PGM5: variants seen among roughly 807,000 people sequenced by gnomAD.
PGM5 encodes phosphoglucomutase 5.
A neutral mutation model predicts 59.2 loss-of-function variants in PGM5; 23 were observed. The ratio of observed to expected loss-of-function variants is 0.39; its 90% CI spans 0.28 to 0.55. The LOEUF (loss-of-function observed/expected upper bound fraction) is 0.55. Among genes scored for constraint, PGM5 ranks in the 20% least tolerant of loss-of-function variants. PGM5 has a pLI of 0.66. For synonymous variants in PGM5, 214 were observed against 286.0 expected (o/e 0.75, Z 2.54); for missense variants, 574 against 748.3 (o/e 0.77, Z 2.72).
chr9:68,498,598 C>T (rs1202055660), intron 9 of PGM5: 1 of 152,364 alleles, frequency 6.6e-6, no homozygotes, highest in Non-Finnish European at 1.5e-5. Flanking sequence ...CCTAGGTGTG[C>T]ATCCTTAACT....
At chr9:68,434,333 A>G (rs1175934615) in intron 6 of PGM5, among the ~76,000 whole-genome samples, 27 of 135,778 alleles carry the variant, frequency 2.0e-4, no homozygotes, top group Non-Finnish European at 3.2e-4. Flanking sequence ...AAAAAAAAAA[A>G]AAAAAAGAAA....
chr9:68,417,975 GCTCTCTCTGATAC>G (rs1823063235), intron 6 of PGM5, among the ~76,000 whole-genome samples: 1 of 152,182 alleles, frequency 6.6e-6, no homozygotes, highest in South Asian at 2.1e-4. Flanking sequence ...AATTGCCAAA[GCTCTCTCTGATAC>G]CACCAGGGAG....
intron 7 of PGM5, among the ~76,000 whole-genome samples, chr9:68,476,633 C>G (rs1182564191): frequency 6.6e-6 from 1 of 152,224 alleles, no homozygotes; most frequent in Admixed American, 6.5e-5. Context: ...ATTGAAGCAT[C>G]ATTAATGTCT....
intron 4 of PGM5, among the ~76,000 whole-genome samples, chr9:68,389,290 T>C (rs574594553): frequency 6.6e-6 from 1 of 152,220 alleles, no homozygotes; most frequent in Admixed American, 6.6e-5. Context: ...CTGGTAGGTA[T>C]ACAGTTTGAT....
Position 68,378,324 on chromosome 9 carries a change from G to A in PGM5, c.387G>A (p.Gly129=), listed in dbSNP as rs376116618. 57 of 1,590,842 alleles carry A rather than the reference G, an allele frequency of 3.6e-5. No individual in the cohort carries two copies. In the African/African-American group the frequency reaches 6.4e-4, roughly 18 times the overall value. Residue 129 remains glycine (G), a synonymous_variant, in exon 2 of 11, where the codon GGG becomes GGA. Transcript: ENST00000396396. ...CCAGCCACTGCCCTGGAGGACCAGG[G>A]GGAGAGTTTGGAGTGAAGTTTAATG... is the stretch of plus-strand genomic sequence containing the variant. ...LTASHCPGGP[G]GEFGVKFNVA...
intron 10 of PGM5, among the ~76,000 whole-genome samples, chr9:68,517,886 A>G (rs1564027641): frequency 6.6e-6 from 1 of 152,228 alleles, no homozygotes; most frequent in Non-Finnish European, 1.5e-5. Context: ...AGAACAGGAA[A>G]AGGGTTGGCA....
intron 6 of PGM5, among the ~76,000 whole-genome samples, chr9:68,454,636 A>G (rs986031078): frequency 2.6e-5 from 4 of 152,110 alleles, no homozygotes; most frequent in Non-Finnish European, 5.9e-5. Flanking sequence ...TTATCATTCC[A>G]TTTTGTAGGT....
chr9:68,436,527 A>G (rs1823444507), intron 6 of PGM5, among the ~76,000 whole-genome samples: 1 of 152,206 alleles, frequency 6.6e-6, no homozygotes, highest in Admixed American at 6.5e-5. Context: ...GACAAACTGT[A>G]TACACTCCTT....
intron 7 of PGM5, among the ~76,000 whole-genome samples, chr9:68,475,402 A>G (rs1018840818): frequency 6.6e-6 from 1 of 152,012 alleles, no homozygotes; most frequent in Non-Finnish European, 1.5e-5. Flanking sequence ...ATTTAAAAGG[A>G]AAGAGAGGAA....
intron 6 of PGM5, among the ~76,000 whole-genome samples, chr9:68,451,646 G>A (rs975637514): frequency 2.6e-5 from 4 of 152,158 alleles, no homozygotes; most frequent in African/African-American, 9.7e-5. Flanking sequence ...ATTCAAAGTT[G>A]GGTCTTTAAC....
At position 68,483,515 on chromosome 9, in the gene PGM5, G is replaced by A. The variant is rs901481699; in HGVS notation, c.1296-350G>A. ...AGAGACCAGTGTGGCTGGAGCCAGT[G>A]AACAATGATAAAAAGACAGAACAAA... is the stretch of plus-strand genomic sequence containing the variant. On this transcript the variant is annotated intron_variant, in intron 8 of 10. Coordinates refer to ENST00000396396, the MANE Select transcript of PGM5 (RefSeq NM_021965.4). Among the ~76,000 whole-genome samples the A allele has an allele frequency of 3.3e-5, 5 of 152,140 alleles. No individual in the cohort carries two copies. The East Asian group carries it at 9.6e-4, about 29-fold the overall frequency.
intron 7 of PGM5, among the ~76,000 whole-genome samples, chr9:68,471,702 T>G (rs1276759202): frequency 6.6e-6 from 1 of 151,772 alleles, no homozygotes; most frequent in Non-Finnish European, 1.5e-5. Flanking sequence ...GGTGAACTCC[T>G]GAGGTCAGGA....
chr9:68,465,978 G>A (rs1823927998), intron 7 of PGM5, among the ~76,000 whole-genome samples: 1 of 152,018 alleles, frequency 6.6e-6, no homozygotes, highest in African/African-American at 2.4e-5. Context: ...GTTGTTTGTT[G>A]TTGTTCATTA....
At chr9:68,393,080 T>C (rs1554679659) in intron 6 of PGM5, among the ~76,000 whole-genome samples, 1 of 151,998 alleles carries the variant, frequency 6.6e-6, no homozygotes, top group African/African-American at 2.4e-5. Flanking sequence ...TCATTCTTCT[T>C]GCTCTATCCA....
At position 68,442,348 on chromosome 9, in the gene PGM5, C is replaced by T. The variant is rs1371413356; in HGVS notation, c.1044-22745C>T. On this transcript the variant is annotated intron_variant, in intron 6 of 10. Transcript: ENST00000396396. Reference sequence around the variant, plus strand: ...TGCTGGGGCTGGAGTGCAATGGCACCGTGTTGGATCACTGCAACCTCCACC... The same window carrying T: ...TGCTGGGGCTGGAGTGCAATGGCACTGTGTTGGATCACTGCAACCTCCACC... Among the ~76,000 whole-genome samples the T allele has an allele frequency of 2.0e-5, 3 of 152,016 alleles. No individual in the cohort carries two copies. The East Asian group carries it at 5.8e-4, about 29-fold the overall frequency.
chr9:68,466,950 C>A (rs1407225733), intron 7 of PGM5, among the ~76,000 whole-genome samples: 1 of 152,138 alleles, frequency 6.6e-6, no homozygotes, highest in Admixed American at 6.5e-5. Flanking sequence ...AGAGTTTTTA[C>A]TTTTGCCCGT....
intron 6 of PGM5, among the ~76,000 whole-genome samples, chr9:68,407,412 C>T (rs1447837726): frequency 1.3e-5 from 2 of 152,142 alleles, no homozygotes; most frequent in Admixed American, 1.3e-4. Flanking sequence ...GGATTATAGG[C>T]GTGAGCCACC....
At chr9:68,367,122 T>C (rs1244332729) in intron 1 of PGM5, among the ~76,000 whole-genome samples, 1 of 152,118 alleles carries the variant, frequency 6.6e-6, no homozygotes, top group Non-Finnish European at 1.5e-5. Context: ...AACACACACA[T>C]GCACACTCTA....
chr9:68,456,566 G>A (rs570606987), intron 6 of PGM5, among the ~76,000 whole-genome samples: 30 of 147,406 alleles, frequency 2.0e-4, no homozygotes, highest in Non-Finnish European at 3.6e-4. Context: ...TGAGCCGCCC[G>A]CCTTGGCCTC....
Sources: allele counts gnomAD v4.1 joint callset (sites outside exome capture counted in the v4.1 genomes callset), GRCh38; gene constraint gnomAD v4.1.1; transcripts MANE v1.5; gene names NCBI Gene and HGNC (gene_info 2026-07-23, HGNC 2026-07-21).